IDE: variants seen among roughly 807,000 people sequenced by gnomAD.
IDE encodes the protein insulin-degrading enzyme.
In IDE, 58 loss-of-function variants were observed where a neutral mutation model predicts 133.2. The observed-to-expected ratio is 0.44, with a 90% CI of 0.35 to 0.54. The LOEUF is 0.54. IDE is among the 20% of genes least tolerant of loss of function. IDE has a pLI of 0.00. For synonymous variants in IDE, 396 were observed against 421.3 expected (o/e 0.94, Z 0.73); for missense variants, 981 against 1,234.0 (o/e 0.79, Z 3.07).
At chr10:92,462,417 TCGAGA>T (rs1294658687) in intron 21 of IDE, among the ~76,000 whole-genome samples, 1 of 151,312 alleles carries the variant, frequency 6.6e-6, no homozygotes. Context: ...GGTTGGGAGT[TCGAGA>T]CCACCCTGAC....
At chr10:92,497,866 T>C (rs1459400947) in intron 11 of IDE, 4 of 182,492 alleles carry the variant, frequency 2.2e-5, no homozygotes, top group Non-Finnish European at 3.1e-5. Flanking sequence ...TTTAGAAATA[T>C]GCAATTTCAA....
chr10:92,485,117 CTTTCTTTCT>C (rs1167721662), intron 13 of IDE, among the ~76,000 whole-genome samples: 3 of 102,080 alleles, frequency 2.9e-5, no homozygotes, highest in South Asian at 3.3e-4. Context: ...TTCTTTCTTT[CTTTCTTTCT>C]TTTTTTTTTT....
At chr10:92,495,103 G>A (rs1040210376) in intron 11 of IDE, among the ~76,000 whole-genome samples, 86 of 149,476 alleles carry the variant, frequency 5.8e-4, no homozygotes, top group Non-Finnish European at 9.3e-4. Flanking sequence ...TTGCTCTGTC[G>A]CCCAGGCTGG....
chr10:92,510,357 GTAT>G (rs1358957805), intron 5 of IDE, among the ~76,000 whole-genome samples, 195 bp from the exon 6 acceptor site: 6 of 152,078 alleles, frequency 3.9e-5, no homozygotes, highest in African/African-American at 1.4e-4. Context: ...TATTTCACAA[GTAT>G]TATAATAAAA....
At chr10:92,488,319 G>T (rs1847124000) in intron 12 of IDE, among the ~76,000 whole-genome samples, 1 of 152,056 alleles carries the variant, frequency 6.6e-6, no homozygotes. Flanking sequence ...GCCCACGCTG[G>T]TGTCAAACTC....
intron 1 of IDE, among the ~76,000 whole-genome samples, chr10:92,556,752 T>C (rs910392626): frequency 1.3e-5 from 2 of 151,720 alleles, no homozygotes; most frequent in Non-Finnish European, 2.9e-5. Context: ...AGCGAAAGTC[T>C]GTCTCAAAAA....
intron 4 of IDE, among the ~76,000 whole-genome samples, chr10:92,524,489 T>TAATA (rs1226419012): frequency 3.4e-4 from 4 of 11,814 alleles, no homozygotes; most frequent in Non-Finnish European, 5.3e-4. Context: ...ATATATTATA[T>TAATA]TATAATATAT....
intron 1 of IDE, among the ~76,000 whole-genome samples, chr10:92,540,316 T>C (rs950493140): frequency 6.6e-6 from 1 of 151,838 alleles, no homozygotes; most frequent in African/African-American, 2.4e-5. Flanking sequence ...CTGCAGCAAA[T>C]GCCTTCAGTG....
At chr10:92,528,601 C>T (rs1328904003) in intron 4 of IDE, among the ~76,000 whole-genome samples, 1 of 152,166 alleles carries the variant, frequency 6.6e-6, no homozygotes, top group Non-Finnish European at 1.5e-5. Context: ...GTGCTTCTTA[C>T]TATGAGTTGT....
intron 2 of IDE, among the ~76,000 whole-genome samples, chr10:92,536,383 C>CAAA (rs58280739): frequency 7.3e-5 from 4 of 54,842 alleles, no homozygotes; most frequent in African/African-American, 2.1e-4. Flanking sequence ...AACTCCGTCT[C>CAAA]AAAAAAAAAA....
intron 4 of IDE, among the ~76,000 whole-genome samples, chr10:92,523,577 T>C (rs1257314862): frequency 6.6e-6 from 1 of 151,034 alleles, no homozygotes; most frequent in Non-Finnish European, 1.5e-5. Flanking sequence ...GGTATGTGCC[T>C]ATAATCCCAG....
intron 12 of IDE, among the ~76,000 whole-genome samples, chr10:92,489,526 C>CA (rs532738300): frequency 0.04 from 5,760 of 145,506 alleles, 155 homozygotes; most frequent in Admixed American, 0.064. Flanking sequence ...GATTCCATCT[C>CA]AAAAAAAAAA....
intron 1 of IDE, among the ~76,000 whole-genome samples, chr10:92,548,221 G>A (rs775488355): frequency 3.3e-5 from 5 of 151,972 alleles, no homozygotes; most frequent in African/African-American, 7.3e-5. Context: ...TTAGCCAGGC[G>A]TGGTGTCAGA....
chr10:92,536,066 TA>T (rs1463275977), intron 2 of IDE, among the ~76,000 whole-genome samples: 1 of 149,512 alleles, frequency 6.7e-6, no homozygotes, highest in Non-Finnish European at 1.5e-5. Flanking sequence ...GCAACCTGAT[TA>T]AAGCAACATT....
chr10:92,524,469 A>ATT (rs1849480497), intron 4 of IDE, among the ~76,000 whole-genome samples: 1 of 67,490 alleles, frequency 1.5e-5, no homozygotes. Flanking sequence ...TATTTTATAT[A>ATT]ATATATAATA....
chr10:92,466,249 A>G (rs866671483), intron 19 of IDE, among the ~76,000 whole-genome samples: 2 of 151,336 alleles, frequency 1.3e-5, no homozygotes, highest in African/African-American at 2.4e-5. Context: ...AAAAAAAAAA[A>G]AAAGCAGAGA....
At chr10:92,557,872 C>A (rs1241230428) in intron 1 of IDE, among the ~76,000 whole-genome samples, 1 of 42,086 alleles carries the variant, frequency 2.4e-5, no homozygotes, top group Admixed American at 2.8e-4. Context: ...AAGATTCCAC[C>A]TCAAAAAAAA....
chr10:92,512,683 T>C (rs1305201180), intron 5 of IDE, among the ~76,000 whole-genome samples: 1 of 150,386 alleles, frequency 6.6e-6, no homozygotes, highest in Non-Finnish European at 1.5e-5. Context: ...CAGAGTATGC[T>C]TTTTTTTTAC....
At chr10:92,515,394 G>A (rs1381745819) in intron 4 of IDE, among the ~76,000 whole-genome samples, 7 of 149,444 alleles carry the variant, frequency 4.7e-5, no homozygotes, top group Non-Finnish European at 7.4e-5. Context: ...CAAGTAGCTG[G>A]GACTACAGGC....
Sources: gnomAD v4.1 joint callset for allele counts (sites outside exome capture counted in the v4.1 genomes callset) on GRCh38, gnomAD v4.1.1 for gene constraint, MANE v1.5 for transcripts, NCBI Gene and HGNC (gene_info 2026-07-23, HGNC 2026-07-21) for gene names.